Variants in ADARB2 observed in about 807,000 individuals in gnomAD.
The protein encoded by ADARB2 is adenosine deaminase RNA specific B2 (inactive).
In ADARB2, 25 loss-of-function variants were observed where a neutral mutation model predicts 62.2. The ratio of observed to expected loss-of-function variants is 0.40; its 90% CI spans 0.29 to 0.56. ADARB2 has a LOEUF of 0.56. Ranked by LOEUF, ADARB2 falls within the 20% of genes least tolerant of loss-of-function variation. The probability of loss-of-function intolerance (pLI) is 0.43; values close to 1 mark genes in which losing one functional copy is unlikely to be tolerated. For missense variants in ADARB2, 1,071 were observed against 1,077.4 expected, an observed-to-expected ratio of 0.99 and a Z score of 0.08; for synonymous variants, 572 against 500.8, an observed-to-expected ratio of 1.14 and a Z score of -1.90.
chr10:1,188,979 C>T (rs1457174350), intron 8 of ADARB2, among the ~76,000 whole-genome samples: 1 of 152,140 alleles, frequency 6.6e-6, no homozygotes, highest in Non-Finnish European at 1.5e-5. Flanking sequence ...CCTCCCGCAC[C>T]AGGTGCCCAG....
chr10:1,646,427 C>T (rs1443663349), intron 1 of ADARB2, among the ~76,000 whole-genome samples: 1 of 152,222 alleles, frequency 6.6e-6, no homozygotes, highest in Non-Finnish European at 1.5e-5. Context: ...ACAGTGGTCT[C>T]ATTGAATAGG....
At chr10:1,292,947 A>AGAGGGAAGGAGAGAGAGGGAGAGG (rs71379105) in intron 3 of ADARB2, 1 of 107,924 alleles carries the variant, frequency 9.3e-6, no homozygotes, top group Non-Finnish European at 1.8e-5. Context: ...TTCCATGGAG[A>AGAGGGAAGGAGAGAGAGGGAGAGG]GAGGGAAGGA....
intron 1 of ADARB2, among the ~76,000 whole-genome samples, chr10:1,653,529 C>CCCGACGCCTCGTGTGCCTG (rs1368031968): frequency 6.6e-6 from 1 of 151,774 alleles, no homozygotes; most frequent in African/African-American, 2.4e-5. Context: ...GCAGTCTCCA[C>CCCGACGCCTCGTGTGCCTG]CAGACGCCTC....
chr10:1,363,124 G>T lies in ADARB2; in HGVS notation c.981C>A (p.Ala327=). 1 of 1,545,618 alleles carries T rather than the reference G, an allele frequency of 6.5e-7. No individual in the cohort carries two copies. The stretch of plus-strand genomic sequence containing the variant: ...GTGCGGCCTGCGCGGCCTGACCCCG[G>T]GCCAGCTTCTTGCTGCGCCCCGAGC... ...FEGSGRSKKL[A]RGQAAQAALQ... is the part of the protein sequence containing the mutation. The change falls in exon 3 of 10, where the codon GCC becomes GCA. Residue 327 remains alanine, a synonymous_variant. Coordinates refer to ENST00000381312, the MANE Select transcript of ADARB2 (RefSeq NM_018702.4).
intron 1 of ADARB2, among the ~76,000 whole-genome samples, chr10:1,639,805 G>A (rs573986390): frequency 2.3e-4 from 35 of 152,290 alleles, no homozygotes; most frequent in African/African-American, 8.2e-4. Context: ...TCATGCCACT[G>A]CACTCCAGCC....
At chr10:1,377,935 G>A (rs778441021) in intron 2 of ADARB2, among the ~76,000 whole-genome samples, 30 of 152,128 alleles carry the variant, frequency 2.0e-4, no homozygotes, top group Non-Finnish European at 3.5e-4. Flanking sequence ...CAAAGTACAC[G>A]GCTCCCCTTG....
chr10:1,352,877 C>T (rs996349688), intron 3 of ADARB2, among the ~76,000 whole-genome samples: 1 of 152,122 alleles, frequency 6.6e-6, no homozygotes, highest in African/African-American at 2.4e-5. Flanking sequence ...CCCATTTCCC[C>T]ATATTTCCTT....
chr10:1,254,412 G>A (rs1205492992), intron 4 of ADARB2, among the ~76,000 whole-genome samples: 1 of 152,220 alleles, frequency 6.6e-6, no homozygotes, highest in African/African-American at 2.4e-5. Flanking sequence ...ATTGCTCTCT[G>A]CATAAAAGAT....
chr10:1,438,153 C>A (rs995918888), intron 1 of ADARB2, among the ~76,000 whole-genome samples: 1 of 152,104 alleles, frequency 6.6e-6, no homozygotes, highest in Admixed American at 6.5e-5. Flanking sequence ...CAGAGCAGGT[C>A]CTTCACTATG....
At chr10:1,656,926 T>G (rs369034498) in intron 1 of ADARB2, among the ~76,000 whole-genome samples, 69 of 152,214 alleles carry the variant, frequency 4.5e-4, no homozygotes, top group African/African-American at 1.4e-3. Context: ...AGCAAATTCC[T>G]TCAAAGATAA....
chr10:1,538,789 G>A (rs1160227996), intron 1 of ADARB2, among the ~76,000 whole-genome samples: 2 of 152,226 alleles, frequency 1.3e-5, no homozygotes, highest in Non-Finnish European at 2.9e-5. Flanking sequence ...CAGGGCAGGA[G>A]AAGCCTCTGC....
At chr10:1,211,192 TATC>T (rs1427226204) in intron 7 of ADARB2, among the ~76,000 whole-genome samples, 22 of 152,054 alleles carry the variant, frequency 1.4e-4, no homozygotes, top group East Asian at 1.2e-3. Flanking sequence ...AATTTTCATC[TATC>T]ATCTATCATT....
chr10:1,685,862 C>T (rs1437733292), intron 1 of ADARB2, among the ~76,000 whole-genome samples: 2 of 152,148 alleles, frequency 1.3e-5, no homozygotes, highest in African/African-American at 2.4e-5. Context: ...ACAAGGACTT[C>T]AGCCCTCCAG....
intron 1 of ADARB2, among the ~76,000 whole-genome samples, chr10:1,393,666 G>A (rs1387729672): frequency 6.6e-6 from 1 of 152,126 alleles, no homozygotes; most frequent in Non-Finnish European, 1.5e-5. Flanking sequence ...AGACCACCCA[G>A]GCCACGCGTT....
At chr10:1,274,555 G>A (rs991391645) in intron 3 of ADARB2, among the ~76,000 whole-genome samples, 7 of 152,006 alleles carry the variant, frequency 4.6e-5, no homozygotes, top group South Asian at 2.1e-4. Flanking sequence ...CTGCTTGAGA[G>A]GCTCCAGCAC....
At chr10:1,723,699 A>G (rs1405440028) in intron 1 of ADARB2, among the ~76,000 whole-genome samples, 1 of 152,156 alleles carries the variant, frequency 6.6e-6, no homozygotes, top group Non-Finnish European at 1.5e-5. Flanking sequence ...AGAAATGGGC[A>G]CCTTCCAAAG....
At chr10:1,323,937 A>T (rs912915502) in intron 3 of ADARB2, among the ~76,000 whole-genome samples, 1 of 152,238 alleles carries the variant, frequency 6.6e-6, no homozygotes, top group Non-Finnish European at 1.5e-5. Context: ...TCATTCTGTG[A>T]AAGATTGCCT....
At chr10:1,233,058 C>G (rs568801457) in intron 6 of ADARB2, among the ~76,000 whole-genome samples, 85 of 152,184 alleles carry the variant, frequency 5.6e-4, no homozygotes, top group Admixed American at 5.9e-4. Flanking sequence ...CATGGAGTTG[C>G]TGATGTCAAG....
In ADARB2 at chr10:1,179,342, A is replaced by G. The variant is rs1836633782; in HGVS notation, c.*3851T>C. The G allele has an allele frequency of 6.6e-6, 1 of 152,266 alleles. No individual in the cohort carries two copies. Among genetic ancestry groups the G allele is most frequent in the South Asian group, 2.1e-4 (1 of 4,830 alleles). The allele number at this position is 152,266 out of a possible 1,614,324, so 9.4% of individuals were successfully genotyped here. ...GTTTCTGAGGAACAGGACTCATCAC[A>G]AAGTCAGCATGGTGTGATAGATATA... On this transcript the variant is annotated 3_prime_UTR_variant, in exon 10 of 10. Coordinates refer to ENST00000381312, the MANE Select transcript of ADARB2 (RefSeq NM_018702.4).
Sources: gnomAD v4.1 joint callset for allele counts (sites outside exome capture counted in the v4.1 genomes callset) on GRCh38, gnomAD v4.1.1 for gene constraint, MANE v1.5 for transcripts, NCBI Gene and HGNC (gene_info 2026-07-23, HGNC 2026-07-21) for gene names.